The following ERC2 variants were observed in gnomAD, a reference collection of about 807,000 sequenced individuals.
ERC2 encodes ELKS/RAB6-interacting/CAST family member 2.
Under a neutral mutation model 114.8 loss-of-function variants are expected in ERC2, and 42 were observed. That is an observed-to-expected ratio of 0.37 (90% CI 0.29 to 0.47). The LOEUF (loss-of-function observed/expected upper bound fraction) is 0.47. ERC2 is among the 20% of genes least tolerant of loss of function. The pLI is 0.99. For missense variants in ERC2, 939 were observed against 1,150.7 expected (o/e 0.82, Z 2.66); for synonymous variants, 454 against 425.5 (o/e 1.07, Z -0.82).
chr3:56,353,278 T>C (rs192929732), intron 2 of ERC2, among the ~76,000 whole-genome samples: 2 of 152,178 alleles, frequency 1.3e-5, no homozygotes, highest in East Asian at 1.9e-4. Flanking sequence ...ATCTCTTTCA[T>C]GAAGCTGTCC....
intron 3 of ERC2, among the ~76,000 whole-genome samples, chr3:56,266,112 C>A (rs1223823883): frequency 6.8e-6 from 1 of 147,956 alleles, no homozygotes; most frequent in African/African-American, 2.5e-5. Flanking sequence ...AATACAAAAA[C>A]AAAAACACAA....
intron 3 of ERC2, among the ~76,000 whole-genome samples, chr3:56,235,179 T>C (rs1311340483): frequency 6.6e-6 from 1 of 152,208 alleles, no homozygotes; most frequent in African/African-American, 2.4e-5. Context: ...TTTTACCTTA[T>C]GCATACAACA....
At chr3:56,145,077 C>T (rs2081067871) in intron 5 of ERC2, among the ~76,000 whole-genome samples, 1 of 152,160 alleles carries the variant, frequency 6.6e-6, no homozygotes, top group South Asian at 2.1e-4. Flanking sequence ...TCTTCCCCCA[C>T]TTACGTCTGT....
intron 12 of ERC2, among the ~76,000 whole-genome samples, chr3:55,957,534 C>T (rs1041222837): frequency 6.6e-6 from 1 of 152,230 alleles, no homozygotes; most frequent in Non-Finnish European, 1.5e-5. Context: ...CGCACCCCTG[C>T]TTGGGTTTTG....
chr3:56,186,347 GGA>G (rs1359424246), intron 3 of ERC2, among the ~76,000 whole-genome samples: 4 of 151,192 alleles, frequency 2.6e-5, no homozygotes, highest in Admixed American at 2.0e-4. Flanking sequence ...CTCCTCTGTT[GGA>G]GAGTTTTTTT....
chr3:55,799,490 C>G lies in ERC2; in HGVS notation c.2565-64572G>C, dbSNP rs149178305. On this transcript the variant is annotated intron_variant, in intron 14 of 17. Coordinates refer to ENST00000288221, the MANE Select transcript of ERC2 (RefSeq NM_015576.3). ...ATATATATATGCCTTATCTATCACA[C>G]GGCATCCTACACAACATCACCTCCA... Among the ~76,000 whole-genome samples, 394 of 93,744 alleles carry G rather than the reference C, an allele frequency of 4.2e-3. 4 individuals are homozygous for G. The highest frequency in any genetic ancestry group is 0.018 in the African/African-American group (376 of 20,758). The allele number at this position is 93,744 out of a possible 152,430, so 61.5% of individuals were successfully genotyped here. A position where few individuals can be genotyped will look rare whatever the true frequency, so the allele number is the denominator to read the frequency against.
chr3:56,295,591 T>G (rs1271099136), intron 3 of ERC2, among the ~76,000 whole-genome samples: 4 of 152,282 alleles, frequency 2.6e-5, no homozygotes, highest in Non-Finnish European at 5.9e-5. Flanking sequence ...CTTTACTTTC[T>G]GCAAATCTCA....
At position 56,343,350 on chromosome 3, in the gene ERC2, A is replaced by G. The variant is rs544233468; in HGVS notation, c.658-46915T>C. On this transcript the variant is annotated intron_variant, in intron 2 of 17. Coordinates refer to ENST00000288221, the MANE Select transcript of ERC2 (RefSeq NM_015576.3). ...CATTGTGTCCCCAATGCCTACACCA[A>G]AATAAGCACTTAATCGATAATTATC... 2.0e-5 allele frequency among the ~76,000 whole-genome samples: 3 copies of G among 152,126 alleles called. No homozygotes were observed. In the South Asian group the frequency reaches 6.2e-4, roughly 32 times the overall value.
At chr3:55,817,759 T>C (rs969425072) in intron 14 of ERC2, among the ~76,000 whole-genome samples, 7 of 152,344 alleles carry the variant, frequency 4.6e-5, no homozygotes, top group African/African-American at 1.7e-4. Flanking sequence ...ATAGTATCCG[T>C]TCATGGTGAG....
At position 55,641,546 on chromosome 3, in the gene ERC2, T is replaced by C. The variant is rs562362578; in HGVS notation, c.*39+42248A>G. Among the ~76,000 whole-genome samples the C allele has an allele frequency of 3.1e-3, 174 of 56,182 alleles. 1 individual carries two copies. Among genetic ancestry groups the C allele is most frequent in the African/African-American group, 0.016 (165 of 10,642 alleles). 36.9% of individuals were successfully genotyped at this position (56,182 alleles called of 152,430 possible). A position where few individuals can be genotyped will look rare whatever the true frequency, so the allele number is the denominator to read the frequency against. On this transcript the variant is annotated intron_variant, in intron 17 of 17. Transcript: ENST00000288221. ...GCCTGGGTGACAGAGCAAGATTCTATCTCAAAAAAAAAAAAAAAAAAAAAA... is the reference window on the plus strand; with the variant it reads ...GCCTGGGTGACAGAGCAAGATTCTACCTCAAAAAAAAAAAAAAAAAAAAAA...
intron 17 of ERC2, chr3:55,610,930 T>C (rs2058885145): frequency 6.6e-6 from 1 of 152,078 alleles, no homozygotes; most frequent in Non-Finnish European, 1.5e-5. Context: ...AGTAAGAAAA[T>C]GGAACTTTAA....
At chr3:56,441,794 G>A (rs947913853) in intron 1 of ERC2, among the ~76,000 whole-genome samples, 3 of 152,150 alleles carry the variant, frequency 2.0e-5, no homozygotes, top group African/African-American at 4.8e-5. Flanking sequence ...TGATCCACAC[G>A]CCTCGGCCTC....
At chr3:56,101,639 G>A (rs1353647860) in intron 6 of ERC2, among the ~76,000 whole-genome samples, 4 of 152,090 alleles carry the variant, frequency 2.6e-5, no homozygotes, top group East Asian at 1.9e-4. Context: ...GAAACTGAAG[G>A]ACCTGAAAAA....
chr3:55,549,477 C>CTT (rs11404043), intron 17 of ERC2, among the ~76,000 whole-genome samples: 2,341 of 123,120 alleles, frequency 0.019, 68 homozygotes, highest in South Asian at 0.082. Flanking sequence ...GCCGCCTTAC[C>CTT]TTTTTTTTTT....
chr3:55,915,930 CA>C (rs1392531820), intron 13 of ERC2, among the ~76,000 whole-genome samples: 1 of 152,046 alleles, frequency 6.6e-6, no homozygotes, highest in Non-Finnish European at 1.5e-5. Context: ...GATTTTAAGA[CA>C]AAAAAATCAC....
intron 17 of ERC2, among the ~76,000 whole-genome samples, chr3:55,667,691 A>G (rs1342629544): frequency 1.3e-5 from 2 of 152,230 alleles, no homozygotes; most frequent in Admixed American, 1.3e-4. Context: ...GTGCCTGGCC[A>G]TACACTAACT....
intron 17 of ERC2, among the ~76,000 whole-genome samples, chr3:55,598,593 T>C (rs1031709912): frequency 6.6e-6 from 1 of 152,258 alleles, no homozygotes; most frequent in Non-Finnish European, 1.5e-5. Flanking sequence ...CTCGAGAAAC[T>C]GGTTTTTGAT....
intron 9 of ERC2, among the ~76,000 whole-genome samples, chr3:56,008,602 C>T (rs1340723372): frequency 6.6e-6 from 1 of 152,140 alleles, no homozygotes; most frequent in Non-Finnish European, 1.5e-5. Context: ...TTTTAAATTG[C>T]CAGATGCAAT....
intron 13 of ERC2, among the ~76,000 whole-genome samples, chr3:55,938,957 A>G (rs1001808583): frequency 6.6e-6 from 1 of 152,190 alleles, no homozygotes; most frequent in Non-Finnish European, 1.5e-5. Flanking sequence ...TTTAAAAAAA[A>G]TTTATCAGAT....
Sources: allele counts gnomAD v4.1 joint callset (sites outside exome capture counted in the v4.1 genomes callset), GRCh38; gene constraint gnomAD v4.1.1; transcripts MANE v1.5; gene names NCBI Gene and HGNC (gene_info 2026-07-23, HGNC 2026-07-21).